Variants in CHRNA4 observed in about 807,000 individuals in gnomAD.
The protein encoded by CHRNA4 is neuronal acetylcholine receptor subunit alpha-4.
In CHRNA4, 28 loss-of-function variants were observed where a neutral mutation model predicts 48.9. The ratio of observed to expected loss-of-function variants is 0.57; its 90% CI spans 0.42 to 0.79. CHRNA4 has a LOEUF of 0.79. Ranked by LOEUF, CHRNA4 falls within the 30% of genes least tolerant of loss-of-function variation. CHRNA4 has a pLI of 0.00. For synonymous variants in CHRNA4, 425 were observed against 402.3 expected (o/e 1.06, Z -0.68); for missense variants, 859 against 898.4 (o/e 0.96, Z 0.56).
rs121912273 is a variant in CHRNA4 at position 63,350,146 on chromosome 20, C to T, written c.1265G>A (p.Cys422Tyr). ...AGGGAGCTGGTCGGAGGGTGACTTG[C>T]AGGAAGGCCCAGGCTCAGCCGGCAC... ...LDVPAEPGPS[C>Y]KSPSDQLPPQ... is the part of the protein sequence containing the mutation. The change falls in exon 5 of 6, where the codon TGC becomes TAC. Residue 422 changes from cysteine (C) to tyrosine (Y), a missense_variant. Physicochemically the swap from Cys to Tyr is radical, Grantham distance 194 (BLOSUM62 -2). Around this residue, in one of 3 missense-constraint regions of CHRNA4, gnomAD observed 478 missense variants for 455.4 expected, o/e 1.05. Coordinates refer to ENST00000370263, the MANE Select transcript of CHRNA4 (RefSeq NM_000744.7). The T allele has an allele frequency of 2.5e-6, 4 of 1,572,206 alleles. No individual in the cohort carries two copies. Among genetic ancestry groups the T allele is most frequent in the African/African-American group, 2.7e-5 (2 of 74,172 alleles).
chr20:63,351,171 A>G (rs1555838225), intron 4 of CHRNA4, 144 bp from the exon 5 acceptor site: 3 of 510,290 alleles, frequency 5.9e-6, no homozygotes, highest in African/African-American at 8.5e-5. Context: ...ATCCACGTCC[A>G]CGCCCACATC....
rs1170843579 is a variant in CHRNA4, at chr20:63,350,413, C to T, written c.998G>A (p.Arg333His). The T allele has an allele frequency of 2.0e-5, 32 of 1,613,732 alleles. No individual in the cohort carries two copies. Among genetic ancestry groups the T allele is most frequent in the Non-Finnish European group, 2.4e-5 (28 of 1,180,032 alleles). Residue 333 changes from arginine to histidine, a missense_variant, in exon 5 of 6, where the codon CGC becomes CAC. Arg to His is a conservative substitution (Grantham distance 29). This residue lies in a region of CHRNA4 where 478 missense variants were observed against 455.4 expected (regional missense o/e 1.05). Transcript: ENST00000370263. The stretch of plus-strand genomic sequence containing the variant: ...GGGCATGGTGTGCGTGCGTGGCGAG[C>T]GGTGGTGCACGTTGAGCACGAAGAC... ...ITVFVLNVHHRSPRTHTMPTW... is the reference protein window; with the variant it reads ...ITVFVLNVHHHSPRTHTMPTW...
rs755416498 is a variant in CHRNA4, at chr20:63,349,957, C to T, written c.1454G>A (p.Arg485Gln). Residue 485 changes from arginine to glutamine, a missense_variant, in exon 5 of 6, where the codon CGG becomes CAG. Arg to Gln is a conservative substitution (Grantham distance 43). Around this residue, in one of 3 missense-constraint regions of CHRNA4, gnomAD observed 478 missense variants for 455.4 expected, o/e 1.05. Coordinates refer to ENST00000370263, the MANE Select transcript of CHRNA4 (RefSeq NM_000744.7). ...AACACAGTACTGGATGCTCCGAGAC[C>T]GGCACCGGACGCCGCCTTCCACCGC... is the stretch of plus-strand genomic sequence containing the variant. ...GEAVEGGVRC[R>Q]SRSIQYCVPR... 73 of 1,567,018 alleles carry T rather than the reference C, an allele frequency of 4.7e-5. No individual in the cohort carries two copies. The Admixed American group carries it at 1.1e-3, about 23-fold the overall frequency.
In CHRNA4 at chr20:63,361,276, C is replaced by G; in HGVS notation, c.-111G>C. 7.3e-7 allele frequency: 1 copy of G among 1,373,296 alleles called. No homozygotes were observed. The highest frequency in any genetic ancestry group is 9.4e-7 in the Non-Finnish European group (1 of 1,064,780). The allele number at this position is 1,373,296 out of a possible 1,614,324, so 85.1% of individuals were successfully genotyped here. A position where few individuals can be genotyped will look rare whatever the true frequency, so the allele number is the denominator to read the frequency against. ...CCCGCGCCTCGCGGGCCGCTTCGGC[C>G]GCCGGGCCCGGTTCGTCTTCTCCTG... On this transcript the variant is annotated 5_prime_UTR_variant, in exon 1 of 6. Coordinates refer to ENST00000370263, the MANE Select transcript of CHRNA4 (RefSeq NM_000744.7).
At chr20:63,353,819 GA>G (rs1342707264) in intron 4 of CHRNA4, among the ~76,000 whole-genome samples, 3 of 36,622 alleles carry the variant, frequency 8.2e-5, no homozygotes, top group Admixed American at 3.3e-4. Flanking sequence ...TGTGGTCCTG[GA>G]GGGGCTGTGG....
chr20:63,359,068 C>A (rs6011786), intron 2 of CHRNA4, among the ~76,000 whole-genome samples: 152,271 of 152,272 alleles, frequency 1, 76,135 homozygotes, highest in Middle Eastern at 1. Flanking sequence ...GACAAACAGA[C>A]TTCGCCCAAG....
At position 63,349,771 on chromosome 20, in the gene CHRNA4, T is replaced by C; in HGVS notation, c.1640A>G (p.Lys547Arg). Residue 547 changes from lysine to arginine, a missense_variant, in exon 5 of 6, where the codon AAG becomes AGG. Physicochemically the swap from Lys to Arg is conservative, Grantham distance 26 (BLOSUM62 2). This residue lies in a region of CHRNA4 where 478 missense variants were observed against 455.4 expected (regional missense o/e 1.05). Transcript: ENST00000370263. ...GGGCGGCGCTTTGGTGCTGCGGGTC[T>C]TGACCGTGGCGCTCGGGGACACCGA... ...PSSVSPSATV[K>R]TRSTKAPPPH... The C allele has an allele frequency of 6.2e-7, 1 of 1,611,166 alleles. No individual in the cohort carries two copies. Among genetic ancestry groups the C allele is most frequent in the Non-Finnish European group, 8.5e-7 (1 of 1,178,772 alleles).
At chr20:63,351,177 A>ACGTCCACACC (rs2068599239) in intron 4 of CHRNA4, 150 bp from the exon 5 acceptor site, 2 of 536,976 alleles carry the variant, frequency 3.7e-6, no homozygotes, top group Non-Finnish European at 6.2e-6. Flanking sequence ...GTCCACGCCC[A>ACGTCCACACC]CATCCATGTC....
intron 5 of CHRNA4, among the ~76,000 whole-genome samples, chr20:63,347,319 G>A (rs779104684): frequency 4.9e-4 from 75 of 152,346 alleles, no homozygotes; most frequent in Non-Finnish European, 8.2e-4. Flanking sequence ...CCCGGTGGGC[G>A]CACAGAGGGC....
At chr20:63,355,728 T>G in intron 4 of CHRNA4, 1 of 812,996 alleles carries the variant, frequency 1.2e-6, no homozygotes, top group Non-Finnish European at 1.9e-6. Flanking sequence ...GCTCCAGTGC[T>G]GAGACCCAGG....
At chr20:63,351,204 A>ACC (rs1555838280) in intron 4 of CHRNA4, 177 bp from the exon 5 acceptor site, 1 of 519,692 alleles carries the variant, frequency 1.9e-6, no homozygotes, top group Admixed American at 3.3e-5. Context: ...CCACATCCAC[A>ACC]CCCACGTCCA....
intron 5 of CHRNA4, among the ~76,000 whole-genome samples, chr20:63,347,641 T>C (rs980818913): frequency 6.6e-6 from 1 of 152,178 alleles, no homozygotes; most frequent in Non-Finnish European, 1.5e-5. Context: ...CCCAAGGCAC[T>C]CATGCCGCTG....
chr20:63,359,900 T>G (rs1363862716), intron 1 of CHRNA4: 32 of 305,174 alleles, frequency 1.0e-4, no homozygotes, highest in Non-Finnish European at 1.4e-4. Flanking sequence ...GCGTGTGCTG[T>G]GTGTGTGTGT....
At position 63,361,172 on chromosome 20, in the gene CHRNA4, C is replaced by T. The variant is rs1471517219; in HGVS notation, c.-7G>A. 1 of 1,470,270 alleles carries T rather than the reference C, an allele frequency of 6.8e-7. No homozygotes were observed. The highest frequency in any genetic ancestry group is 9.0e-7 in the Non-Finnish European group (1 of 1,116,114). The allele number at this position is 1,470,270 out of a possible 1,614,324, so 91.1% of individuals were successfully genotyped here. A position where few individuals can be genotyped will look rare whatever the true frequency, so the allele number is the denominator to read the frequency against. ...CGGGGCCCCCTAGCTCCATGGCGCA[C>T]GCACCTCGCGGGCTCTAGATGCGGG... On this transcript the variant is annotated 5_prime_UTR_variant, in exon 1 of 6. In the 5' UTR this introduces an upstream ATG that the reference lacks. Transcript: ENST00000370263.
rs776730720 is a variant in CHRNA4, at chr20:63,344,810, G to T, written c.*1928C>A. On this transcript the variant is annotated 3_prime_UTR_variant, in exon 6 of 6. Coordinates refer to ENST00000370263, the MANE Select transcript of CHRNA4 (RefSeq NM_000744.7). This position sits in a 1 kb window ranked among gnomAD's most constrained non-coding sequence, Gnocchi z 4.5. ...CTCTCCCAGGGTCTCCCTGCGTCCT[G>T]GGAGCTCTGGCCGAGGAGCAGCAGG... The T allele has an allele frequency of 4.4e-6, 2 of 452,408 alleles. No homozygotes were observed. Among genetic ancestry groups the T allele is most frequent in the South Asian group, 3.1e-5 (2 of 64,302 alleles). 28.0% of individuals were successfully genotyped at this position (452,408 alleles called of 1,614,324 possible). A position where few individuals can be genotyped will look rare whatever the true frequency, so the allele number is the denominator to read the frequency against.
chr20:63,359,405 T>C, intron 2 of CHRNA4, 143 bp downstream of exon 2: 1 of 1,058,690 alleles, frequency 9.4e-7, no homozygotes, highest in South Asian at 1.4e-5. Flanking sequence ...AGCTGGTGGC[T>C]GTCGTTCTGA....
rs1568819963 is a variant in CHRNA4 at position 63,359,869 on chromosome 20, C to CGCGCCGGGCGTGCGCTGTG, written c.77-171_77-170insCACAGCGCACGCCCGGCGC. On this transcript the variant is annotated intron_variant, in intron 1 of 5. Transcript: ENST00000370263. Reference sequence around the variant, plus strand: ...CCTGTGTGTGTGCCGGGCGTGCGCTCTGTGTGTGTGTGTGTGCCGGGCGTG... The same window carrying CGCGCCGGGCGTGCGCTGTG: ...CCTGTGTGTGTGCCGGGCGTGCGCTCGCGCCGGGCGTGCGCTGTGTGTGTGTGTGTGTGTGCCGGGCGTG... The CGCGCCGGGCGTGCGCTGTG allele has an allele frequency of 7.1e-4, 317 of 444,744 alleles. 5 individuals are homozygous for CGCGCCGGGCGTGCGCTGTG. Among genetic ancestry groups the CGCGCCGGGCGTGCGCTGTG allele is most frequent in the East Asian group, 3.6e-3 (90 of 25,202 alleles). 27.5% of individuals were successfully genotyped at this position (444,744 alleles called of 1,614,324 possible).
intron 4 of CHRNA4, among the ~76,000 whole-genome samples, chr20:63,351,513 G>A (rs1284994956): frequency 1.3e-5 from 2 of 152,260 alleles, no homozygotes; most frequent in Non-Finnish European, 1.5e-5. Context: ...TGGGACACAC[G>A]GCATCCCTAT....
chr20:63,354,851 C>CTGTCCCT (rs991903091), intron 4 of CHRNA4: 1 of 155,590 alleles, frequency 6.4e-6, no homozygotes, highest in African/African-American at 2.4e-5. Context: ...GGCAGGGAGT[C>CTGTCCCT]TGTCCTAAGG....
Sources: gnomAD v4.1 joint callset for allele counts (sites outside exome capture counted in the v4.1 genomes callset) on GRCh38, gnomAD v4.1.1 for gene constraint, gnomAD v4.1.1 regional missense constraint, Gnocchi (gnomAD v3.1) non-coding constraint, MANE v1.5 for transcripts, NCBI Gene and HGNC (gene_info 2026-07-23, HGNC 2026-07-21) for gene names.